Variants in NLGN1 observed in about 807,000 individuals in gnomAD.
NLGN1 encodes neuroligin-1.
Under a neutral mutation model 65.5 loss-of-function variants are expected in NLGN1, and 12 were observed. The observed-to-expected ratio is 0.18, with a 90% confidence interval of 0.12 to 0.30. NLGN1 has a LOEUF of 0.30. Ranked by LOEUF, NLGN1 falls within the 10% of genes least tolerant of loss-of-function variation. NLGN1 has a pLI of 1.00. For synonymous variants in NLGN1, 350 were observed against 359.5 expected (o/e 0.97, Z 0.30); for missense variants, 750 against 1,007.1 (o/e 0.74, Z 3.46).
rs140785958 is a variant in NLGN1 at position 174,250,139 on chromosome 3, T to C, written c.647-25176T>C. 2.3e-3 allele frequency among the ~76,000 whole-genome samples: 343 copies of C among 152,336 alleles called. 1 individual carries two copies. The highest frequency in any genetic ancestry group is 3.7e-3 in the Non-Finnish European group (249 of 68,034). The stretch of plus-strand genomic sequence containing the variant: ...TTTTCAGGACAAAGCCCTTAAGTAT[T>C]ACTCTGTCATTAACTCACTAGGGAA... On this transcript the variant is annotated intron_variant, in intron 4 of 6. Coordinates refer to ENST00000457714, the Ensembl canonical transcript of NLGN1.
chr3:173,914,729 T>C (rs1403711422), intron 4 of NLGN1, among the ~76,000 whole-genome samples: 2 of 152,076 alleles, frequency 1.3e-5, no homozygotes, highest in Non-Finnish European at 2.9e-5. Flanking sequence ...CATGAATCAA[T>C]AAAGACAAAA....
At chr3:173,772,118 G>C (rs985959172) in intron 3 of NLGN1, among the ~76,000 whole-genome samples, 1 of 152,068 alleles carries the variant, frequency 6.6e-6, no homozygotes, top group African/African-American at 2.4e-5. Context: ...AAAGTAAAAA[G>C]ATTTAAAAGA....
At chr3:174,258,295 A>G (rs1746183931) in intron 4 of NLGN1, among the ~76,000 whole-genome samples, 1 of 152,182 alleles carries the variant, frequency 6.6e-6, no homozygotes, top group African/African-American at 2.4e-5. Context: ...CCACGAGTCC[A>G]TAATGGTATA....
intron 4 of NLGN1, among the ~76,000 whole-genome samples, chr3:174,086,666 A>C (rs1743462608): frequency 6.6e-6 from 1 of 151,918 alleles, no homozygotes; most frequent in African/African-American, 2.4e-5. Flanking sequence ...AAATTTATGG[A>C]ATTTTTTCCT....
chr3:173,498,178 A>G (rs1356686971), intron 2 of NLGN1, among the ~76,000 whole-genome samples: 2 of 151,620 alleles, frequency 1.3e-5, no homozygotes, highest in African/African-American at 4.9e-5. Flanking sequence ...AACATTAGGT[A>G]TATCTCCTAA....
intron 2 of NLGN1, among the ~76,000 whole-genome samples, chr3:173,502,266 C>T (rs181167554): frequency 1.1e-4 from 16 of 152,094 alleles, no homozygotes; most frequent in African/African-American, 3.9e-4. Flanking sequence ...TGGCAATTTT[C>T]CTAGAGACTT....
chr3:173,537,635 T>C (rs1737680268), intron 2 of NLGN1, among the ~76,000 whole-genome samples: 1 of 152,202 alleles, frequency 6.6e-6, no homozygotes, highest in Admixed American at 6.5e-5. Flanking sequence ...TACTATGCAT[T>C]CTGTATTCCC....
chr3:174,016,272 A>G (rs1159490586), intron 4 of NLGN1, among the ~76,000 whole-genome samples: 1 of 152,200 alleles, frequency 6.6e-6, no homozygotes, highest in East Asian at 1.9e-4. Flanking sequence ...CTTTTGGGTT[A>G]TGACTTTTTC....
chr3:174,275,610 CT>C (rs1329561246), intron 5 of NLGN1, 83 bp downstream of exon 5: 2 of 812,498 alleles, frequency 2.5e-6, no homozygotes, highest in African/African-American at 1.7e-5. Flanking sequence ...CTGTATATTT[CT>C]CTGTTCAAAC....
chr3:173,741,733 T>A (rs1578210756), intron 3 of NLGN1, among the ~76,000 whole-genome samples: 1 of 151,954 alleles, frequency 6.6e-6, no homozygotes, highest in African/African-American at 2.4e-5. Flanking sequence ...CCTCAGGTGA[T>A]CCAACCTCCT....
intron 4 of NLGN1, among the ~76,000 whole-genome samples, chr3:174,043,240 A>G (rs979121481): frequency 1.3e-5 from 2 of 152,094 alleles, no homozygotes; most frequent in African/African-American, 4.8e-5. Context: ...CAGCCAAACC[A>G]TATCATTCAG....
chr3:173,868,973 C>G (rs983179406), intron 4 of NLGN1, among the ~76,000 whole-genome samples: 1 of 152,056 alleles, frequency 6.6e-6, no homozygotes, highest in African/African-American at 2.4e-5. Context: ...GACTCTAAGG[C>G]AAAAGTTGTC....
intron 2 of NLGN1, among the ~76,000 whole-genome samples, chr3:173,495,855 GAA>G (rs1729938641): frequency 6.6e-6 from 1 of 151,620 alleles, no homozygotes; most frequent in Admixed American, 6.6e-5. Flanking sequence ...CTCTGTACAT[GAA>G]GTTTGTGTTT....
At chr3:173,772,963 A>T (rs372992046) in intron 3 of NLGN1, among the ~76,000 whole-genome samples, 14 of 152,210 alleles carry the variant, frequency 9.2e-5, no homozygotes, top group Admixed American at 7.2e-4. Flanking sequence ...CCCCTGGCAG[A>T]AGTCTGCTTG....
chr3:174,142,683 CA>C (rs143374945), intron 4 of NLGN1, among the ~76,000 whole-genome samples: 5 of 151,046 alleles, frequency 3.3e-5, no homozygotes, highest in Non-Finnish European at 5.9e-5. Flanking sequence ...ATCTAAAAGC[CA>C]AAAAAAGGGT....
chr3:174,059,007 A>T (rs1037077132), intron 4 of NLGN1, among the ~76,000 whole-genome samples: 51 of 152,136 alleles, frequency 3.4e-4, no homozygotes, highest in African/African-American at 1.2e-3. Flanking sequence ...ATACATTCAC[A>T]AATGTGTATA....
At chr3:174,112,034 G>C (rs1715343712) in intron 4 of NLGN1, among the ~76,000 whole-genome samples, 1 of 151,818 alleles carries the variant, frequency 6.6e-6, no homozygotes, top group Non-Finnish European at 1.5e-5. Context: ...GTGAGAAGTT[G>C]ATGCATAAGA....
At chr3:173,807,196 G>A (rs1716852132) in intron 3 of NLGN1, among the ~76,000 whole-genome samples, 1 of 152,118 alleles carries the variant, frequency 6.6e-6, no homozygotes, top group Non-Finnish European at 1.5e-5. Flanking sequence ...TAAATGAGTT[G>A]ATGTAATCAT....
chr3:174,021,613 C>G (rs956124441), intron 4 of NLGN1, among the ~76,000 whole-genome samples: 5 of 152,078 alleles, frequency 3.3e-5, no homozygotes, highest in African/African-American at 4.8e-5. Flanking sequence ...GGCAGTTCCT[C>G]TCTGTATTCA....
Sources: gnomAD v4.1 joint callset for allele counts (sites outside exome capture counted in the v4.1 genomes callset) on GRCh38, gnomAD v4.1.1 for gene constraint, MANE v1.5 for transcripts, NCBI Gene and HGNC (gene_info 2026-07-23, HGNC 2026-07-21) for gene names.